LARP1B: variants seen among roughly 807,000 people sequenced by gnomAD.
The protein encoded by LARP1B is La ribonucleoprotein 1B.
A neutral mutation model predicts 114.2 loss-of-function variants in LARP1B; 76 were observed. The ratio of observed to expected loss-of-function variants is 0.67; its 90% confidence interval spans 0.55 to 0.81. The LOEUF is 0.81. Among genes scored for constraint, LARP1B ranks in the 30% least tolerant of loss-of-function variants. LARP1B has a pLI of 0.00. For synonymous variants in LARP1B, 345 were observed against 348.0 expected (o/e 0.99, Z 0.10); for missense variants, 1,014 against 1,075.8 (o/e 0.94, Z 0.80).
At chr4:128,183,610 A>T (rs1390759840) in intron 15 of LARP1B, among the ~76,000 whole-genome samples, 1 of 152,210 alleles carries the variant, frequency 6.6e-6, no homozygotes, top group African/African-American at 2.4e-5. Flanking sequence ...ACCTGCTAAC[A>T]CATTTATTCT....
chr4:128,066,904 TCTC>T, intron 1 of LARP1B, among the ~76,000 whole-genome samples: 1 of 151,520 alleles, frequency 6.6e-6, no homozygotes, highest in African/African-American at 2.4e-5. Context: ...TTCGAGCAAT[TCTC>T]CTGCCTCAGT....
rs773306146 is a variant in LARP1B, at chr4:128,107,212, C to T, written c.887C>T (p.Pro296Leu). ...MRKKIEPEKWPIPGPPPRSVP... is the reference protein window; with the variant it reads ...MRKKIEPEKWLIPGPPPRSVP... ...AAAAAGATAGAACCAGAAAAATGGC[C>T]AATTCCAGGCCCTCCTCCACGCAGT... Residue 296 changes from proline to leucine, a missense_variant, in exon 9 of 20, where the codon CCA becomes CTA. By Grantham distance (98) the Pro-to-Leu change is moderately conservative (BLOSUM62 -3). Transcript: ENST00000326639. The T allele has an allele frequency of 2.5e-6, 4 of 1,613,946 alleles. No individual in the cohort carries two copies. The Admixed American group carries it at 6.7e-5, about 27-fold the overall frequency.
rs532288922 is a variant in LARP1B at position 128,144,842 on chromosome 4, T to C, written c.1525-17352T>C. ...TATTCACTTATTAAGACCATGTTTT[T>C]CTTCTGTTTCTTCATATATATTTAT... On this transcript the variant is annotated intron_variant, in intron 11 of 19. Transcript: ENST00000326639. Among the ~76,000 whole-genome samples, 17 of 152,294 alleles carry C rather than the reference T, an allele frequency of 1.1e-4. No homozygotes were observed. The East Asian group carries it at 3.1e-3, about 28-fold the overall frequency.
intron 12 of LARP1B, among the ~76,000 whole-genome samples, chr4:128,176,514 G>A (rs566246827): frequency 1.3e-5 from 2 of 151,832 alleles, no homozygotes; most frequent in South Asian, 4.2e-4. Context: ...GGCTGGTCTC[G>A]AGCTGCTGAC....
chr4:128,151,204 AAGTT>A, intron 11 of LARP1B, among the ~76,000 whole-genome samples: 1 of 152,280 alleles, frequency 6.6e-6, no homozygotes, highest in South Asian at 2.1e-4. Flanking sequence ...AATCATTTGA[AAGTT>A]AGTTGTAGAC....
chr4:128,190,551 AT>A (rs1208369198), intron 15 of LARP1B, among the ~76,000 whole-genome samples: 1 of 152,138 alleles, frequency 6.6e-6, no homozygotes, highest in Non-Finnish European at 1.5e-5. Context: ...GGGGGCACTT[AT>A]CCCATGCCGT....
At chr4:128,130,539 ATGCT>A (rs1791229238) in intron 11 of LARP1B, among the ~76,000 whole-genome samples, 1 of 152,178 alleles carries the variant, frequency 6.6e-6, no homozygotes, top group Non-Finnish European at 1.5e-5. Context: ...CAATAACCAA[ATGCT>A]TGCAAGGATG....
At chr4:128,101,148 AG>A (rs1292100298) in intron 8 of LARP1B, among the ~76,000 whole-genome samples, 1 of 150,358 alleles carries the variant, frequency 6.7e-6, no homozygotes, top group Non-Finnish European at 1.5e-5. Flanking sequence ...TTGAATAGCA[AG>A]TTTTTGAACA....
intron 1 of LARP1B, chr4:128,069,710 T>C: frequency 2.9e-6 from 1 of 347,822 alleles, no homozygotes; most frequent in East Asian, 6.2e-5. Flanking sequence ...GTATTTATGG[T>C]TGTTTTTTGC....
intron 7 of LARP1B, among the ~76,000 whole-genome samples, chr4:128,096,914 T>C (rs1315249477): frequency 6.6e-6 from 1 of 151,580 alleles, no homozygotes; most frequent in Non-Finnish European, 1.5e-5. Flanking sequence ...TCTTTTATTA[T>C]TGTTTTTAGA....
intron 8 of LARP1B, among the ~76,000 whole-genome samples, chr4:128,099,800 C>T (rs1454917567): frequency 1.3e-5 from 2 of 151,890 alleles, no homozygotes; most frequent in Non-Finnish European, 2.9e-5. Flanking sequence ...AAGTATATGC[C>T]TATCTTTATA....
At chr4:128,199,349 C>A in intron 15 of LARP1B, 90 bp from the exon 16 acceptor site, 1 of 1,019,592 alleles carries the variant, frequency 9.8e-7, no homozygotes, top group Non-Finnish European at 1.4e-6. Flanking sequence ...CTGCTTAGAC[C>A]CCCAATAATG....
At chr4:128,110,034 G>A (rs2149831396) in intron 9 of LARP1B, among the ~76,000 whole-genome samples, 1 of 152,210 alleles carries the variant, frequency 6.6e-6, no homozygotes, top group South Asian at 2.1e-4. Context: ...CTCCCGAGTA[G>A]CTGAGATTAC....
intron 1 of LARP1B, among the ~76,000 whole-genome samples, chr4:128,063,975 A>G (rs923736108): frequency 6.6e-6 from 1 of 151,164 alleles, no homozygotes; most frequent in African/African-American, 2.4e-5. Context: ...GAGGTGGTAT[A>G]AATGTAAGGC....
intron 11 of LARP1B, among the ~76,000 whole-genome samples, chr4:128,154,581 G>T (rs973194603): frequency 1.3e-5 from 2 of 152,118 alleles, no homozygotes; most frequent in African/African-American, 4.8e-5. Flanking sequence ...GCCTGCAGTG[G>T]CTTTTCACAT....
intron 8 of LARP1B, among the ~76,000 whole-genome samples, chr4:128,106,092 C>T (rs976065590): frequency 3.3e-5 from 5 of 151,418 alleles, no homozygotes; most frequent in East Asian, 2.0e-4. Context: ...GGCGCCATCT[C>T]GGCTCACTGC....
intron 11 of LARP1B, among the ~76,000 whole-genome samples, chr4:128,126,341 T>C (rs187918512): frequency 6.6e-6 from 1 of 152,228 alleles, no homozygotes; most frequent in African/African-American, 2.4e-5. Context: ...CAGGCTGGTC[T>C]CGAACTCCTG....
chr4:128,082,817 TTTAA>T (rs1305453548), intron 5 of LARP1B, among the ~76,000 whole-genome samples: 2 of 150,362 alleles, frequency 1.3e-5, no homozygotes, highest in Non-Finnish European at 3.0e-5. Context: ...TTTTTTTTTT[TTTAA>T]TTTTTATTTT....
chr4:128,071,154 C>T (rs1765168487), intron 1 of LARP1B, among the ~76,000 whole-genome samples: 1 of 151,798 alleles, frequency 6.6e-6, no homozygotes, highest in Non-Finnish European at 1.5e-5. Flanking sequence ...TCATGCCATT[C>T]TCCTGCCTTA....
Sources: gnomAD v4.1 joint callset for allele counts (sites outside exome capture counted in the v4.1 genomes callset) on GRCh38, gnomAD v4.1.1 for gene constraint, MANE v1.5 for transcripts, NCBI Gene and HGNC (gene_info 2026-07-23, HGNC 2026-07-21) for gene names.